USP12: variants seen among roughly 807,000 people sequenced by gnomAD.
USP12 encodes ubiquitin carboxyl-terminal hydrolase 12.
Under a neutral mutation model 45.5 loss-of-function variants are expected in USP12, and 19 were observed. The ratio of observed to expected loss-of-function variants is 0.42; its 90% CI spans 0.29 to 0.61. The LOEUF (loss-of-function observed/expected upper bound fraction) is 0.61, where lower values mean the gene tolerates loss of function less well. USP12 is among the 20% of genes least tolerant of loss of function. The pLI, the probability that USP12 is intolerant of heterozygous loss-of-function variation, is 0.22. For missense variants in USP12, 242 were observed against 447.7 expected (o/e 0.54, Z 4.15); for synonymous variants, 149 against 148.8 (o/e 1.00, Z -0.01).
intron 1 of USP12, among the ~76,000 whole-genome samples, chr13:27,162,408 C>T (rs770700388): frequency 6.6e-6 from 1 of 152,144 alleles, no homozygotes. Flanking sequence ...GATGTCATAA[C>T]GAGTTTGCAT....
chr13:27,091,952 A>G (rs759014313), intron 4 of USP12, among the ~76,000 whole-genome samples: 9 of 152,180 alleles, frequency 5.9e-5, no homozygotes, highest in Non-Finnish European at 1.2e-4. Context: ...TAGGTCTACT[A>G]TTCTCTGGCT....
intron 2 of USP12, among the ~76,000 whole-genome samples, chr13:27,110,616 C>G (rs955069385): frequency 6.6e-6 from 1 of 152,110 alleles, no homozygotes; most frequent in Non-Finnish European, 1.5e-5. Flanking sequence ...AAAAGAGGCG[C>G]TTAAGCTTAA....
intron 4 of USP12, among the ~76,000 whole-genome samples, chr13:27,090,397 G>A (rs1017871674): frequency 1.3e-5 from 2 of 152,128 alleles, no homozygotes; most frequent in African/African-American, 4.8e-5. Flanking sequence ...GCAAAGGCTA[G>A]TATGATGTGA....
At chr13:27,078,269 G>A (rs763921733) in intron 6 of USP12, among the ~76,000 whole-genome samples, 1 of 151,958 alleles carries the variant, frequency 6.6e-6, no homozygotes, top group Admixed American at 6.6e-5. Flanking sequence ...AAAATACAGT[G>A]TAACAACTAC....
intron 3 of USP12, among the ~76,000 whole-genome samples, chr13:27,101,075 C>A (rs1874843499): frequency 6.6e-6 from 1 of 152,180 alleles, no homozygotes; most frequent in Non-Finnish European, 1.5e-5. Context: ...GCAATGATTT[C>A]ATATTCACAA....
intron 1 of USP12, among the ~76,000 whole-genome samples, chr13:27,132,936 A>G (rs1273324222): frequency 6.6e-6 from 1 of 152,232 alleles, no homozygotes; most frequent in Non-Finnish European, 1.5e-5. Context: ...GCTATTCTGA[A>G]TGAACTTCTT....
intron 1 of USP12, among the ~76,000 whole-genome samples, chr13:27,163,892 CA>C (rs1566009351): frequency 6.6e-6 from 1 of 151,994 alleles, no homozygotes; most frequent in Non-Finnish European, 1.5e-5. Flanking sequence ...CCAGGCTTCC[CA>C]GGGGTCAAGA....
intron 1 of USP12, among the ~76,000 whole-genome samples, chr13:27,133,450 A>T (rs1876606506): frequency 6.6e-6 from 1 of 152,172 alleles, no homozygotes. Flanking sequence ...AACATGGTGA[A>T]ACCCCGTCTC....
intron 1 of USP12, among the ~76,000 whole-genome samples, chr13:27,137,284 T>C (rs1876847501): frequency 6.6e-6 from 1 of 152,216 alleles, no homozygotes; most frequent in South Asian, 2.1e-4. Context: ...ACTTTAATTA[T>C]GTTTAGAGAT....
intron 1 of USP12, among the ~76,000 whole-genome samples, chr13:27,148,482 T>TGACC (rs1421064801): frequency 3.3e-5 from 5 of 151,650 alleles, no homozygotes; most frequent in African/African-American, 1.2e-4. Flanking sequence ...GAGACCAGCC[T>TGACC]GACCAACATA....
chr13:27,161,937 T>C (rs909183484), intron 1 of USP12, among the ~76,000 whole-genome samples: 11 of 151,980 alleles, frequency 7.2e-5, no homozygotes, highest in African/African-American at 2.7e-4. Flanking sequence ...CTGTACATTT[T>C]TAACATAGTA....
chr13:27,094,184 A>T (rs1049661954), intron 4 of USP12, among the ~76,000 whole-genome samples: 2 of 1,350 alleles, frequency 1.5e-3, no homozygotes, highest in Admixed American at 4.9e-3. Context: ...AAGGGGATTT[A>T]AAAAAAAAAA....
intron 1 of USP12, 50 bp downstream of exon 1, chr13:27,171,542 C>T: frequency 8.6e-7 from 1 of 1,156,848 alleles, no homozygotes; most frequent in Non-Finnish European, 1.1e-6. Context: ...GCGCCGCCCG[C>T]CCGCCCGAGA....
At chr13:27,113,870 C>A (rs1489746341) in intron 2 of USP12, among the ~76,000 whole-genome samples, 2 of 152,086 alleles carry the variant, frequency 1.3e-5, no homozygotes, top group African/African-American at 4.8e-5. Flanking sequence ...AAAAGAGAAC[C>A]AAGAGACATT....
intron 1 of USP12, among the ~76,000 whole-genome samples, chr13:27,118,985 T>G (rs1875866710): frequency 6.6e-6 from 1 of 152,166 alleles, no homozygotes; most frequent in South Asian, 2.1e-4. Context: ...AGGTATTGTC[T>G]CTCTCTGCCT....
At chr13:27,162,637 A>G (rs889041726) in intron 1 of USP12, among the ~76,000 whole-genome samples, 7 of 152,216 alleles carry the variant, frequency 4.6e-5, no homozygotes, top group African/African-American at 1.7e-4. Context: ...AGTTGTGACA[A>G]TACTATCGTG....
intron 1 of USP12, among the ~76,000 whole-genome samples, chr13:27,161,255 T>C (rs1247243337): frequency 6.6e-6 from 1 of 152,196 alleles, no homozygotes; most frequent in East Asian, 1.9e-4. Flanking sequence ...AAATAATTTC[T>C]TCAAAGTTAT....
At chr13:27,162,712 T>C (rs1168750217) in intron 1 of USP12, 6 of 152,390 alleles carry the variant, frequency 3.9e-5, no homozygotes, top group African/African-American at 1.4e-4. Flanking sequence ...TTTTGTTTTT[T>C]ATCCATTCTG....
chr13:27,069,439 G>A, intron 8 of USP12, 55 bp from the exon 9 acceptor site: 1 of 1,318,166 alleles, frequency 7.6e-7, no homozygotes, highest in Non-Finnish European at 1.1e-6. Context: ...CAGCCAGAAT[G>A]GCTTAAATTT....
Sources: gnomAD v4.1 joint callset for allele counts (sites outside exome capture counted in the v4.1 genomes callset) on GRCh38, gnomAD v4.1.1 for gene constraint, MANE v1.5 for transcripts, NCBI Gene and HGNC (gene_info 2026-07-23, HGNC 2026-07-21) for gene names.